The following PALS2 variants were observed in gnomAD, a reference collection of about 807,000 sequenced individuals.
PALS2 encodes the protein protein associated with LIN7 2, MAGUK p55 family member.
PALS2 carries 27 observed loss-of-function variants against 61.6 expected under a neutral mutation model. The observed-to-expected ratio is 0.44, with a 90% confidence interval of 0.32 to 0.60. PALS2 has a LOEUF of 0.60. PALS2 is among the 20% of genes least tolerant of loss of function. PALS2 has a pLI of 0.05. For missense variants in PALS2, 554 were observed against 639.4 expected (o/e 0.87, Z 1.44); for synonymous variants, 236 against 218.6 (o/e 1.08, Z -0.70).
At chr7:24,677,858 A>T (rs1375456187) in intron 9 of PALS2, among the ~76,000 whole-genome samples, 1 of 152,210 alleles carries the variant, frequency 6.6e-6, no homozygotes, top group Non-Finnish European at 1.5e-5. Context: ...AGGGGAAAAC[A>T]GGAGTCCTAT....
chr7:24,692,618 C>T lies in PALS2; in HGVS notation c.*5004C>T, dbSNP rs1359389322. 2.0e-5 allele frequency: 3 copies of T among 152,152 alleles called. No homozygotes were observed. The highest frequency in any genetic ancestry group is 4.4e-5 in the Non-Finnish European group (3 of 68,000). The allele number at this position is 152,152 out of a possible 1,614,324, so 9.4% of individuals were successfully genotyped here. A position where few individuals can be genotyped will look rare whatever the true frequency, so the allele number is the denominator to read the frequency against. On this transcript the variant is annotated 3_prime_UTR_variant, in exon 12 of 12. Transcript: ENST00000222644. ...GATACAGTTTCAGCTGGTGGAAGGTCTGTTCTGCTCTCTTAGTCCTAATCA... is the reference window on the plus strand; with the variant it reads ...GATACAGTTTCAGCTGGTGGAAGGTTTGTTCTGCTCTCTTAGTCCTAATCA...
rs552236811 is a variant in PALS2, at chr7:24,623,907, C to A, written c.117+123C>A. On this transcript the variant is annotated intron_variant, in intron 2 of 11. Coordinates refer to ENST00000222644, the MANE Select transcript of PALS2 (RefSeq NM_001303037.2). ...ATTAGGTTTAGTTAGCAAATAAAAACATTCAGCACATAATGAAATCTTAAC... is the reference window on the plus strand; with the variant it reads ...ATTAGGTTTAGTTAGCAAATAAAAAAATTCAGCACATAATGAAATCTTAAC... The A allele has an allele frequency of 5.0e-5, 47 of 945,072 alleles. No individual in the cohort carries two copies. In the African/African-American group the frequency reaches 7.9e-4, roughly 16 times the overall value. The allele number at this position is 945,072 out of a possible 1,614,324, so 58.5% of individuals were successfully genotyped here. A position where few individuals can be genotyped will look rare whatever the true frequency, so the allele number is the denominator to read the frequency against.
chr7:24,667,406 G>A (rs1787079497), intron 8 of PALS2, among the ~76,000 whole-genome samples: 1 of 152,072 alleles, frequency 6.6e-6, no homozygotes, highest in East Asian at 1.9e-4. Context: ...ACTGATAATT[G>A]TTGATTTGCC....
In PALS2 at chr7:24,627,709, T is replaced by C. The variant is rs185348668; in HGVS notation, c.117+3925T>C. Among the ~76,000 whole-genome samples the C allele has an allele frequency of 3.4e-3, 522 of 152,052 alleles. 12 individuals are homozygous for C. The highest frequency in any genetic ancestry group is 0.031 in the Admixed American group (477 of 15,266). On this transcript the variant is annotated intron_variant, in intron 2 of 11. Transcript: ENST00000222644. ...TACCATCACTGATCCCGCAGAAATA[T>C]AAACTACCATCAGAAAATACTATAA...
intron 9 of PALS2, among the ~76,000 whole-genome samples, chr7:24,670,254 C>T (rs1787228316): frequency 6.6e-6 from 1 of 151,506 alleles, no homozygotes; most frequent in Non-Finnish European, 1.5e-5. Context: ...TTTCTTTATA[C>T]TACCTGATTT....
At chr7:24,574,968 C>T (rs567044094) in intron 1 of PALS2, among the ~76,000 whole-genome samples, 1 of 152,104 alleles carries the variant, frequency 6.6e-6, no homozygotes, top group African/African-American at 2.4e-5. Flanking sequence ...GTTATGTCTT[C>T]TGAGGCCTTG....
intron 1 of PALS2, among the ~76,000 whole-genome samples, chr7:24,609,851 G>GC (rs1431436288): frequency 6.6e-6 from 1 of 152,084 alleles, no homozygotes; most frequent in Non-Finnish European, 1.5e-5. Context: ...TGGAATGACT[G>GC]CCCCTCCACT....
chr7:24,645,506 T>C (rs914469462), intron 3 of PALS2, among the ~76,000 whole-genome samples: 1 of 152,214 alleles, frequency 6.6e-6, no homozygotes, highest in African/African-American at 2.4e-5. Context: ...ATCATGCTGT[T>C]TTGGTTACTG....
chr7:24,587,754 C>G (rs1469264594), intron 1 of PALS2, among the ~76,000 whole-genome samples: 1 of 152,090 alleles, frequency 6.6e-6, no homozygotes, highest in African/African-American at 2.4e-5. Flanking sequence ...GTCTTCCTCT[C>G]TGACATCTTC....
At chr7:24,638,971 A>G (rs1785379476) in intron 2 of PALS2, among the ~76,000 whole-genome samples, 1 of 152,258 alleles carries the variant, frequency 6.6e-6, no homozygotes, top group South Asian at 2.1e-4. Context: ...CTGAAGAAAT[A>G]AATGGTCTTC....
intron 1 of PALS2, among the ~76,000 whole-genome samples, chr7:24,610,036 C>T (rs915878974): frequency 3.9e-5 from 6 of 152,036 alleles, no homozygotes; most frequent in African/African-American, 7.2e-5. Context: ...GGTGTGTCCC[C>T]GTGTGTCTCA....
At chr7:24,633,760 A>G (rs1453200812) in intron 2 of PALS2, among the ~76,000 whole-genome samples, 1 of 152,102 alleles carries the variant, frequency 6.6e-6, no homozygotes, top group African/African-American at 2.4e-5. Flanking sequence ...TCTCCTGTGT[A>G]TATAAGTAGG....
chr7:24,678,260 T>G (rs528874505), intron 9 of PALS2, among the ~76,000 whole-genome samples: 1 of 152,352 alleles, frequency 6.6e-6, no homozygotes, highest in East Asian at 1.9e-4. Flanking sequence ...TGTATGTCTC[T>G]GAAAGTATTC....
At chr7:24,623,436 GA>G (rs1327448163) in intron 1 of PALS2, among the ~76,000 whole-genome samples, 1 of 152,044 alleles carries the variant, frequency 6.6e-6, no homozygotes, top group East Asian at 1.9e-4. Context: ...AAGGTAGTCT[GA>G]TAAAGTCCAA....
At chr7:24,624,751 C>T (rs766295868) in intron 2 of PALS2, among the ~76,000 whole-genome samples, 1 of 151,686 alleles carries the variant, frequency 6.6e-6, no homozygotes, top group Non-Finnish European at 1.5e-5. Context: ...GGACTACAGG[C>T]GTGTGCCACC....
chr7:24,645,385 G>A (rs555546577), intron 3 of PALS2, among the ~76,000 whole-genome samples: 14 of 152,004 alleles, frequency 9.2e-5, no homozygotes, highest in South Asian at 2.1e-4. Flanking sequence ...TCTTTTCCCC[G>A]TTGTTTGTTT....
chr7:24,635,933 C>T (rs1182089479), intron 2 of PALS2, among the ~76,000 whole-genome samples: 3 of 152,046 alleles, frequency 2.0e-5, no homozygotes, highest in African/African-American at 7.2e-5. Context: ...ACTGTAAGGC[C>T]AGGCGCGGTG....
At chr7:24,611,418 AGTAATAT>A (rs1163296530) in intron 1 of PALS2, among the ~76,000 whole-genome samples, 1 of 152,076 alleles carries the variant, frequency 6.6e-6, no homozygotes, top group Non-Finnish European at 1.5e-5. Context: ...ATTTATAAAT[AGTAATAT>A]GTACATTTAA....
chr7:24,669,291 TAGAA>T (rs1787183537), intron 9 of PALS2, among the ~76,000 whole-genome samples: 1 of 152,248 alleles, frequency 6.6e-6, no homozygotes, highest in Non-Finnish European at 1.5e-5. Flanking sequence ...CATATTTACA[TAGAA>T]AGTTAAATAA....
Sources: allele counts gnomAD v4.1 joint callset (sites outside exome capture counted in the v4.1 genomes callset), GRCh38; gene constraint gnomAD v4.1.1; transcripts MANE v1.5; gene names NCBI Gene and HGNC (gene_info 2026-07-23, HGNC 2026-07-21).